The following FCSK variants were observed in gnomAD, a reference collection of about 807,000 sequenced individuals.
FCSK encodes L-fucose kinase.
Under a neutral mutation model 122.5 loss-of-function variants are expected in FCSK, and 123 were observed. The observed-to-expected ratio is 1.00, with a 90% CI of 0.87 to 1.17. FCSK has a LOEUF of 1.17. Among genes scored for constraint, FCSK ranks in the 50% most tolerant of loss-of-function variants. The probability of loss-of-function intolerance (pLI) is 0.00; values close to 1 mark genes in which losing one functional copy is unlikely to be tolerated. For synonymous variants in FCSK, 620 were observed against 625.5 expected (o/e 0.99, Z 0.13); for missense variants, 1,366 against 1,450.4 (o/e 0.94, Z 0.95).
In FCSK at chr16:70,472,584, T is replaced by C. The variant is rs769341860; in HGVS notation, c.1385T>C (p.Phe462Ser). 3.7e-6 allele frequency: 6 copies of C among 1,613,066 alleles called. No individual in the cohort carries two copies. The East Asian group carries it at 1.1e-4, about 30-fold the overall frequency. ...GTYLNVPWSE[F>S]FKRTGVRAWD... ...TATCTCAACGTGCCCTGGAGTGAAT[T>C]CTTCAAGAGGACAGGTGTTCGGTAA... The change falls in exon 14 of 24, where the codon TTC becomes TCC. Residue 462 changes from phenylalanine to serine, a missense_variant. Transcript: ENST00000288078.
chr16:70,467,990 CG>C, intron 8 of FCSK, 24 bp downstream of exon 8: 2 of 1,599,102 alleles, frequency 1.3e-6, no homozygotes, highest in Non-Finnish European at 1.7e-6. Context: ...GCCCAGGTTG[CG>C]GGGCTTTGGG....
At position 70,465,138 on chromosome 16, in the gene FCSK, G is replaced by A. The variant is rs1208947667; in HGVS notation, c.247G>A (p.Asp83Asn). ...CCCACTCCTGCAGGTGGTCACATCCGATGTCCTGCACTCGGCCTGGATCCT... is the reference window on the plus strand; with the variant it reads ...CCCACTCCTGCAGGTGGTCACATCCAATGTCCTGCACTCGGCCTGGATCCT... Reference protein sequence around the residue: ...ARAGFTVVTSDVLHSAWILIL... With the variant: ...ARAGFTVVTSNVLHSAWILIL... Residue 83 changes from aspartate (D) to asparagine (N), a missense_variant, in exon 4 of 24, where the codon GAT (aspartate) becomes AAT (asparagine). Physicochemically the swap from Asp to Asn is conservative, Grantham distance 23. Coordinates refer to ENST00000288078, the MANE Select transcript of FCSK (RefSeq NM_145059.3). 8.7e-6 allele frequency: 14 copies of A among 1,613,752 alleles called. No individual in the cohort carries two copies. Among genetic ancestry groups the A allele is most frequent in the Middle Eastern group, 1.6e-4 (1 of 6,084 alleles).
rs755615322 is a variant in FCSK at position 70,456,951 on chromosome 16, C to T, written c.-23+2321C>T. Reference sequence around the variant, plus strand: ...AGGAGAATGGCTTGAACCTGGGAGGCGGAGGTTGCAGTGAGCCAAGATTGC... The same window carrying T: ...AGGAGAATGGCTTGAACCTGGGAGGTGGAGGTTGCAGTGAGCCAAGATTGC... On this transcript the variant is annotated intron_variant, in intron 1 of 23. Coordinates refer to ENST00000288078, the MANE Select transcript of FCSK (RefSeq NM_145059.3). 3.2e-4 allele frequency among the ~76,000 whole-genome samples: 48 copies of T among 151,764 alleles called. No individual in the cohort carries two copies. In the South Asian group the frequency reaches 4.4e-3, roughly 14 times the overall value.
Position 70,474,977 on chromosome 16 carries a change from T to TG in FCSK, c.2344dup (p.Asp782GlyfsTer35), listed in dbSNP as rs1471105872. 6.2e-7 allele frequency: 1 copy of TG among 1,609,262 alleles called. No individual in the cohort carries two copies. Among genetic ancestry groups the TG allele is most frequent in the Non-Finnish European group, 8.5e-7 (1 of 1,178,464 alleles). On this transcript the variant is annotated frameshift_variant, in exon 18 of 24. Coordinates refer to ENST00000288078, the MANE Select transcript of FCSK (RefSeq NM_145059.3). LOFTEE classifies it high-confidence loss of function. ...TGAAGATAGTGTGCCGGTGCCTGGCTGACCTGCGGGACTACTGCCAGCCTC... is the reference window on the plus strand; with the variant it reads ...TGAAGATAGTGTGCCGGTGCCTGGCTGGACCTGCGGGACTACTGCCAGCCTC...
chr16:70,458,662 G>A (rs2048168726), intron 1 of FCSK, among the ~76,000 whole-genome samples: 2 of 151,856 alleles, frequency 1.3e-5, no homozygotes, highest in South Asian at 4.2e-4. Flanking sequence ...TGGCGAGGCT[G>A]GTCTCGAACT....
In FCSK at chr16:70,466,211, C is replaced by A. The variant is rs1273827513; in HGVS notation, c.365C>A (p.Ala122Asp). The A allele has an allele frequency of 1.9e-6, 3 of 1,613,950 alleles. No individual in the cohort carries two copies. The highest frequency in any genetic ancestry group is 2.2e-5 in the East Asian group (1 of 44,868). ...PVENPEAPVE[A>D]LVCNLDCLLD... ...GAGAACCCCGAGGCCCCCGTGGAAG[C>A]CTTGGTCTGCAACCTGGACTGCCTG... The change falls in exon 5 of 24, where the codon GCC becomes GAC. Residue 122 changes from alanine to aspartate, a missense_variant. By Grantham distance (126) the Ala-to-Asp change is moderately radical. Transcript: ENST00000288078.
rs1270007044 is a variant in FCSK, at chr16:70,467,434, A to G, written c.545A>G (p.Tyr182Cys). 11 of 1,609,932 alleles carry G rather than the reference A, an allele frequency of 6.8e-6. No homozygotes were observed. The highest frequency in any genetic ancestry group is 2.2e-5 in the East Asian group (1 of 44,706). The change falls in exon 7 of 24, where the codon TAC becomes TGC. Residue 182 changes from tyrosine to cysteine, a missense_variant. Coordinates refer to ENST00000288078, the MANE Select transcript of FCSK (RefSeq NM_145059.3). ...ATCGCCCTCCCAGGGAGCCCGGCCT[A>G]CGCTCAGAATCATGGCGTCTACCTA... ...RVIALPGSPA[Y>C]AQNHGVYLTD...
intron 1 of FCSK, among the ~76,000 whole-genome samples, chr16:70,461,753 AC>A (rs1264166911): frequency 1.3e-5 from 2 of 151,862 alleles, no homozygotes; most frequent in Non-Finnish European, 1.5e-5. Context: ...CCCAACTCTT[AC>A]CCCATCCTGC....
chr16:70,471,110 G>A, intron 12 of FCSK, 38 bp downstream of exon 12: 1 of 1,590,554 alleles, frequency 6.3e-7, no homozygotes, highest in Non-Finnish European at 8.5e-7. Context: ...GGGCGAGGGT[G>A]CTGGCATCCC....
chr16:70,478,284 A>G lies in FCSK; in HGVS notation c.2654A>G (p.Gln885Arg). ...CCTGGGCTCACAGGAGGTGGCTGGC[A>G]GGACCAAGTAGGTGGCCTAATGCCT... ...EQVLTTGGGW[Q>R]DQVGGLMPGI... Residue 885 changes from glutamine (Q) to arginine (R), a missense_variant, in exon 21 of 24, where the codon CAG becomes CGG. Coordinates refer to ENST00000288078, the MANE Select transcript of FCSK (RefSeq NM_145059.3). The G allele has an allele frequency of 6.2e-7, 1 of 1,614,054 alleles. No individual in the cohort carries two copies. Among genetic ancestry groups the G allele is most frequent in the Non-Finnish European group, 8.5e-7 (1 of 1,180,002 alleles).
intron 20 of FCSK, 127 bp from the exon 21 acceptor site, chr16:70,478,145 C>T (rs1174256918): frequency 7.2e-6 from 6 of 832,920 alleles, no homozygotes; most frequent in African/African-American, 1.7e-5. Context: ...AGCTCACTGT[C>T]CTGTGGAGTT....
At position 70,473,442 on chromosome 16, in the gene FCSK, G is replaced by A. The variant is rs2048698834; in HGVS notation, c.1777+89G>A. 8 of 1,383,070 alleles carry A rather than the reference G, an allele frequency of 5.8e-6. No homozygotes were observed. Among genetic ancestry groups the A allele is most frequent in the Non-Finnish European group, 7.6e-6 (8 of 1,054,204 alleles). 85.7% of individuals were successfully genotyped at this position (1,383,070 alleles called of 1,614,324 possible). ...GGGCCATCCCCTGAGGGGACTAGGG[G>A]ACCATGAGGTGCTCAAGCAGGGAAG... is the stretch of plus-strand genomic sequence containing the variant. On this transcript the variant is annotated intron_variant, in intron 15 of 23. Coordinates refer to ENST00000288078, the MANE Select transcript of FCSK (RefSeq NM_145059.3). This position sits in a 1 kb window ranked among gnomAD's most constrained non-coding sequence, Gnocchi z 4.9.
At chr16:70,464,697 C>G (rs984714029) in intron 3 of FCSK, among the ~76,000 whole-genome samples, 1 of 127,890 alleles carries the variant, frequency 7.8e-6, no homozygotes, top group Non-Finnish European at 1.6e-5. Context: ...GAGACTGCAT[C>G]TCAAAAAAAA....
In FCSK at chr16:70,471,168, C is replaced by T; in HGVS notation, c.1171-14C>T. The T allele has an allele frequency of 1.3e-6, 2 of 1,598,728 alleles. No homozygotes were observed. The highest frequency in any genetic ancestry group is 1.7e-6 in the Non-Finnish European group (2 of 1,170,970). On this transcript the variant is annotated splice_polypyrimidine_tract_variant and intron_variant, in intron 12 of 23. Transcript: ENST00000288078. ...TGCCTGCCCACCCAGGATGCCTGCC[C>T]TGTCCCCCACCAGGGCCCCATTCAC...
Position 70,472,973 on chromosome 16 carries a change from C to T in FCSK, c.1407-10C>T. ...TTCCCTCCTGGGAATGTGCCTTCTCCCCACATCAGAGCCTGGGACCTGTGG... is the reference window on the plus strand; with the variant it reads ...TTCCCTCCTGGGAATGTGCCTTCTCTCCACATCAGAGCCTGGGACCTGTGG... On this transcript the variant is annotated splice_polypyrimidine_tract_variant and intron_variant, in intron 14 of 23. Coordinates refer to ENST00000288078, the MANE Select transcript of FCSK (RefSeq NM_145059.3). 1.9e-6 allele frequency: 3 copies of T among 1,597,876 alleles called. No individual in the cohort carries two copies. Among genetic ancestry groups the T allele is most frequent in the Non-Finnish European group, 8.5e-7 (1 of 1,173,072 alleles).
In FCSK at chr16:70,463,665, C is replaced by A. The variant is rs569139301; in HGVS notation, c.125C>A (p.Thr42Lys). 6.2e-7 allele frequency: 1 copy of A among 1,613,424 alleles called. No homozygotes were observed. Among genetic ancestry groups the A allele is most frequent in the Non-Finnish European group, 8.5e-7 (1 of 1,180,024 alleles). Residue 42 changes from threonine to lysine, a missense_variant, in exon 3 of 24, where the codon ACG (threonine) becomes AAG (lysine). Transcript: ENST00000288078. ...AAGCGGGAGCAGATCCCTGCTGGGA[C>A]GCTGTTACTGGCCGTGGAGGACCCA... ...RQKREQIPAG[T>K]LLLAVEDPEK... is the part of the protein sequence containing the mutation.
chr16:70,475,679 G>C lies in FCSK; in HGVS notation c.2553G>C (p.Leu851=). 1 of 1,603,130 alleles carries C rather than the reference G, an allele frequency of 6.2e-7. No individual in the cohort carries two copies. Among genetic ancestry groups the C allele is most frequent in the Non-Finnish European group, 8.5e-7 (1 of 1,174,650 alleles). ...GCAGCATCCTGGCAGGCACTGCCCTGGCTGCCTTGCAGCGAGCCGCAGGCC... is the reference window on the plus strand; with the variant it reads ...GCAGCATCCTGGCAGGCACTGCCCTCGCTGCCTTGCAGCGAGCCGCAGGCC... The part of the protein sequence containing the change: ...GTSSILAGTA[L]AALQRAAGRV... The change falls in exon 20 of 24, where the codon CTG becomes CTC. Residue 851 remains leucine (L), a synonymous_variant. Coordinates refer to ENST00000288078, the MANE Select transcript of FCSK (RefSeq NM_145059.3).
Position 70,478,240 on chromosome 16 carries a change from G to A in FCSK, c.2642-32G>A, listed in dbSNP as rs8049316. 7.3e-3 allele frequency: 11,695 copies of A among 1,608,556 alleles called. 789 individuals are homozygous for A. In the African/African-American group the frequency reaches 0.14, roughly 19 times the overall value. On this transcript the variant is annotated intron_variant, in intron 20 of 23. Coordinates refer to ENST00000288078, the MANE Select transcript of FCSK (RefSeq NM_145059.3). ...TGGGAGAGTGAAGCTGGGCCAGATA[G>A]ACTCCAACAGTGACAGTCCCTGGGC...
intron 1 of FCSK, among the ~76,000 whole-genome samples, chr16:70,456,377 G>A (rs2048094816): frequency 6.6e-6 from 1 of 152,180 alleles, no homozygotes; most frequent in South Asian, 2.1e-4. Flanking sequence ...ATGTGCCTTT[G>A]CCATAGTGCC....
Sources: gnomAD v4.1 joint callset for allele counts (sites outside exome capture counted in the v4.1 genomes callset) on GRCh38, gnomAD v4.1.1 for gene constraint, Gnocchi (gnomAD v3.1) non-coding constraint, MANE v1.5 for transcripts, NCBI Gene and HGNC (gene_info 2026-07-23, HGNC 2026-07-21) for gene names.